Variants in GALNTL6 observed in about 807,000 individuals in gnomAD.
GALNTL6 encodes the protein polypeptide N-acetylgalactosaminyltransferase-like 6.
A neutral mutation model predicts 73.7 loss-of-function variants in GALNTL6; 46 were observed. The observed-to-expected ratio is 0.62, with a 90% confidence interval of 0.49 to 0.80. GALNTL6 has a LOEUF of 0.80. Ranked by LOEUF, GALNTL6 falls within the 30% of genes least tolerant of loss-of-function variation. GALNTL6 has a pLI of 0.00. For missense variants in GALNTL6, 604 were observed against 755.0 expected (o/e 0.80, Z 2.34); for synonymous variants, 259 against 263.7 (o/e 0.98, Z 0.17).
intron 5 of GALNTL6, among the ~76,000 whole-genome samples, chr4:172,648,866 T>G (rs1164642502): frequency 6.6e-6 from 1 of 152,184 alleles, no homozygotes; most frequent in Non-Finnish European, 1.5e-5. Flanking sequence ...TGCCCAATAC[T>G]TCACCAAAAT....
chr4:172,165,453 CTT>C (rs1318412382), intron 2 of GALNTL6, among the ~76,000 whole-genome samples: 1 of 152,118 alleles, frequency 6.6e-6, no homozygotes, highest in Admixed American at 6.5e-5. Context: ...TCTCAAAAGA[CTT>C]ATCAGTGTCT....
chr4:172,230,136 A>G (rs1404499573), intron 3 of GALNTL6, among the ~76,000 whole-genome samples: 1 of 152,144 alleles, frequency 6.6e-6, no homozygotes, highest in Admixed American at 6.6e-5. Context: ...CTGGCAATGC[A>G]AAGTATTTAA....
At chr4:171,926,383 C>T (rs1394649714) in intron 2 of GALNTL6, among the ~76,000 whole-genome samples, 1 of 152,068 alleles carries the variant, frequency 6.6e-6, no homozygotes, top group East Asian at 1.9e-4. Flanking sequence ...TGTATGTCCT[C>T]TCCACATTAA....
intron 5 of GALNTL6, among the ~76,000 whole-genome samples, chr4:172,664,346 C>T (rs1308916949): frequency 6.6e-6 from 1 of 152,176 alleles, no homozygotes; most frequent in African/African-American, 2.4e-5. Context: ...AGCCTCTGTC[C>T]CTTTAAGTTT....
chr4:171,930,176 C>G (rs77866811), intron 2 of GALNTL6, among the ~76,000 whole-genome samples: 6,730 of 152,302 alleles, frequency 0.044, 405 homozygotes, highest in African/African-American at 0.14. Context: ...AGAGCACACG[C>G]GACAGCCTGT....
rs1734703528 is a variant in GALNTL6, at chr4:172,519,299, T to C, written c.553+170610T>C. On this transcript the variant is annotated intron_variant, in intron 5 of 12. Coordinates refer to ENST00000506823, the MANE Select transcript of GALNTL6 (RefSeq NM_001034845.3). ...ATGGTCACTTTCCTTGCAGCAGTGATAAATAAGCATAGAATAATAGAAATT... is the reference window on the plus strand; with the variant it reads ...ATGGTCACTTTCCTTGCAGCAGTGACAAATAAGCATAGAATAATAGAAATT... Among the ~76,000 whole-genome samples, 5 of 150,968 alleles carry C rather than the reference T, an allele frequency of 3.3e-5. No individual in the cohort carries two copies. In the South Asian group the frequency reaches 1.0e-3, roughly 31 times the overall value.
At chr4:172,598,441 G>A (rs1737942891) in intron 5 of GALNTL6, among the ~76,000 whole-genome samples, 3 of 152,078 alleles carry the variant, frequency 2.0e-5, no homozygotes, top group African/African-American at 7.2e-5. Context: ...GTCATGAAAT[G>A]TATCAGTACA....
At chr4:172,937,100 C>T (rs954454465) in intron 9 of GALNTL6, among the ~76,000 whole-genome samples, 10 of 151,884 alleles carry the variant, frequency 6.6e-5, no homozygotes, top group Admixed American at 2.0e-4. Context: ...TGGAGTTAGC[C>T]TTGGAAGACC....
intron 5 of GALNTL6, among the ~76,000 whole-genome samples, chr4:172,515,654 TC>T (rs1479883870): frequency 6.6e-6 from 1 of 152,200 alleles, no homozygotes; most frequent in Non-Finnish European, 1.5e-5. Flanking sequence ...TCTGCAGCTG[TC>T]CTGAATTAAC....
chr4:172,041,367 A>G (rs189007895), intron 2 of GALNTL6, among the ~76,000 whole-genome samples: 25 of 152,198 alleles, frequency 1.6e-4, no homozygotes, highest in Admixed American at 3.3e-4. Flanking sequence ...TATTAAGAAA[A>G]AATTCTACAT....
intron 5 of GALNTL6, among the ~76,000 whole-genome samples, chr4:172,397,835 C>A (rs1743905307): frequency 6.6e-6 from 1 of 152,128 alleles, no homozygotes; most frequent in South Asian, 2.1e-4. Context: ...CCTTGGCCTC[C>A]AAAAGTGCCA....
intron 5 of GALNTL6, among the ~76,000 whole-genome samples, chr4:172,737,907 C>T (rs981983556): frequency 2.0e-5 from 3 of 152,180 alleles, no homozygotes; most frequent in Non-Finnish European, 4.4e-5. Context: ...AAGTATTATT[C>T]TGGCATCATG....
intron 2 of GALNTL6, among the ~76,000 whole-genome samples, chr4:172,020,052 G>A (rs1579064674): frequency 6.6e-6 from 1 of 152,016 alleles, no homozygotes; most frequent in African/African-American, 2.4e-5. Context: ...TAAATAATAT[G>A]CTCTTGAACA....
intron 8 of GALNTL6, among the ~76,000 whole-genome samples, chr4:172,911,898 T>C (rs1022263983): frequency 6.6e-6 from 1 of 152,250 alleles, no homozygotes; most frequent in Non-Finnish European, 1.5e-5. Context: ...GTGAGCAAGC[T>C]GTAACAGTTT....
At chr4:171,886,274 T>C (rs564531758) in intron 2 of GALNTL6, among the ~76,000 whole-genome samples, 6 of 152,326 alleles carry the variant, frequency 3.9e-5, no homozygotes, top group African/African-American at 1.4e-4. Context: ...AATTATACTG[T>C]TACCTGTGCT....
At chr4:172,921,295 T>C (rs1358698686) in intron 8 of GALNTL6, among the ~76,000 whole-genome samples, 1 of 152,220 alleles carries the variant, frequency 6.6e-6, no homozygotes, top group Non-Finnish European at 1.5e-5. Flanking sequence ...TTATACCTGA[T>C]CATAGTGCTC....
chr4:172,258,422 G>C (rs1230750396), intron 3 of GALNTL6, among the ~76,000 whole-genome samples: 2 of 151,194 alleles, frequency 1.3e-5, no homozygotes, highest in Non-Finnish European at 3.0e-5. Flanking sequence ...TCATATGTGA[G>C]ACAATGTTTT....
At chr4:172,994,951 C>G (rs1751710691) in intron 10 of GALNTL6, among the ~76,000 whole-genome samples, 1 of 152,190 alleles carries the variant, frequency 6.6e-6, no homozygotes, top group Non-Finnish European at 1.5e-5. Flanking sequence ...CACATTTCAA[C>G]CATCTGACCT....
chr4:172,145,705 A>T (rs1733911148), intron 2 of GALNTL6, among the ~76,000 whole-genome samples: 1 of 152,196 alleles, frequency 6.6e-6, no homozygotes, highest in Non-Finnish European at 1.5e-5. Flanking sequence ...CTTAATAATT[A>T]ACTATATTCA....
Sources: allele counts gnomAD v4.1 joint callset (sites outside exome capture counted in the v4.1 genomes callset), GRCh38; gene constraint gnomAD v4.1.1; transcripts MANE v1.5; gene names NCBI Gene and HGNC (gene_info 2026-07-23, HGNC 2026-07-21).